The following CELSR2 variants were observed in gnomAD, a reference collection of about 807,000 sequenced individuals.
CELSR2 encodes cadherin EGF LAG seven-pass G-type receptor 2.
A neutral mutation model predicts 251.6 loss-of-function variants in CELSR2; 81 were observed. That is an observed-to-expected ratio of 0.32 (90% CI 0.27 to 0.39). CELSR2 has a LOEUF of 0.39. Among genes scored for constraint, CELSR2 ranks in the 10% least tolerant of loss-of-function variants. The pLI is 1.00. For synonymous variants in CELSR2, 1,721 were observed against 1,670.5 expected (o/e 1.03, Z -0.74); for missense variants, 3,365 against 3,947.7 (o/e 0.85, Z 3.96).
intron 2 of CELSR2, among the ~76,000 whole-genome samples, chr1:109,260,216 T>C (rs930475444): frequency 5.3e-5 from 8 of 151,310 alleles, no homozygotes; most frequent in African/African-American, 1.7e-4. Flanking sequence ...AACAACAGTT[T>C]CCATGGAAAC....
At chr1:109,262,075 C>T (rs1656035501) in intron 5 of CELSR2, among the ~76,000 whole-genome samples, 179 bp downstream of exon 5, 1 of 152,160 alleles carries the variant, frequency 6.6e-6, no homozygotes, top group Non-Finnish European at 1.5e-5. Context: ...GGGCACTGCT[C>T]GATGCTCTCT....
At position 109,269,706 on chromosome 1, in the gene CELSR2, A is replaced by T; in HGVS notation, c.6993A>T (p.Thr2331=). 4 of 1,614,108 alleles carry T rather than the reference A, an allele frequency of 2.5e-6. No homozygotes were observed. The highest frequency in any genetic ancestry group is 3.4e-6 in the Non-Finnish European group (4 of 1,180,032). The stretch of plus-strand genomic sequence containing the variant: ...CTTCCTCACACAGGGTCAGTGGCAC[A>T]GGTGGCTGGTCGGCCAGAGGCTGTG... The part of the protein sequence containing the change: ...FWNHSILVSG[T]GGWSARGCEV... Residue 2331 remains threonine (T), a synonymous_variant, in exon 22 of 34, where the codon ACA becomes ACT. Coordinates refer to ENST00000271332, the MANE Select transcript of CELSR2 (RefSeq NM_001408.3). This position sits in a 1 kb window ranked among gnomAD's most constrained non-coding sequence, Gnocchi z 6.4.
At position 109,252,448 on chromosome 1, in the gene CELSR2, A is replaced by G. The variant is rs1286057266; in HGVS notation, c.2369A>G (p.Asn790Ser). The change falls in exon 1 of 34, where the codon AAT (asparagine) becomes AGT (serine). Residue 790 changes from asparagine to serine, a missense_variant. This residue lies in a region of CELSR2 where 505 missense variants were observed against 660.0 expected (regional missense o/e 0.77). Coordinates refer to ENST00000271332, the MANE Select transcript of CELSR2 (RefSeq NM_001408.3). The surrounding 1 kb of genome is among the most constrained non-coding windows in gnomAD (Gnocchi z 4.8). ...SYTLAITARD[N>S]GIPQKSDTTY... Reference sequence around the variant, plus strand: ...ACCCTGGCCATTACTGCTCGGGACAATGGCATTCCCCAGAAGTCCGACACC... The same window carrying G: ...ACCCTGGCCATTACTGCTCGGGACAGTGGCATTCCCCAGAAGTCCGACACC... The G allele has an allele frequency of 2.5e-6, 4 of 1,613,590 alleles. No individual in the cohort carries two copies. Among genetic ancestry groups the G allele is most frequent in the Middle Eastern group, 1.6e-4 (1 of 6,084 alleles).
chr1:109,250,137 C>G lies in CELSR2; in HGVS notation c.58C>G (p.Leu20Val), dbSNP rs776508176. The change falls in exon 1 of 34, where the codon CTG (leucine) becomes GTG (valine). Residue 20 changes from leucine (L) to valine (V), a missense_variant. Coordinates refer to ENST00000271332, the MANE Select transcript of CELSR2 (RefSeq NM_001408.3). This position sits in a 1 kb window ranked among gnomAD's most constrained non-coding sequence, Gnocchi z 4.4. Reference sequence around the variant, plus strand: ...AACGCCGCCGCCGCCGCTGCTGCTGCTGTTGCTGCTGCTGCTGCCGCCGCC... The same window carrying G: ...AACGCCGCCGCCGCCGCTGCTGCTGGTGTTGCTGCTGCTGCTGCCGCCGCC... ...LPTPPPPLLL[L>V]LLLLLPPPLL... The G allele has an allele frequency of 1.3e-6, 2 of 1,595,570 alleles. No homozygotes were observed. The highest frequency in any genetic ancestry group is 2.3e-5 in the East Asian group (1 of 43,332).
chr1:109,267,710 C>A, intron 16 of CELSR2, 68 bp downstream of exon 16: 1 of 1,575,506 alleles, frequency 6.3e-7, no homozygotes, highest in Non-Finnish European at 8.7e-7. Flanking sequence ...CCCCCACTCC[C>A]ATCTTTGAGA....
In CELSR2 at chr1:109,263,160, A is replaced by C. The variant is rs1375216332; in HGVS notation, c.4727A>C (p.Asn1576Thr). ...GTVPGCPAKKNVCDSNTCHNG... is the reference protein window; with the variant it reads ...GTVPGCPAKKTVCDSNTCHNG... ...ATTCCAGGCTGCCCTGCCAAGAAGAACGTGTGTGACAGCAACACTTGCCAC... is the reference window on the plus strand; with the variant it reads ...ATTCCAGGCTGCCCTGCCAAGAAGACCGTGTGTGACAGCAACACTTGCCAC... Residue 1576 changes from asparagine to threonine, a missense_variant, in exon 8 of 34, where the codon AAC becomes ACC. By Grantham distance (65) the Asn-to-Thr change is moderately conservative. Transcript: ENST00000271332. The C allele has an allele frequency of 3.8e-6, 6 of 1,598,490 alleles. No individual in the cohort carries two copies. The highest frequency in any genetic ancestry group is 5.1e-6 in the Non-Finnish European group (6 of 1,167,270).
In CELSR2 at chr1:109,274,370, AT is replaced by A. The variant is rs925843448; in HGVS notation, c.*329del. Reference sequence around the variant, plus strand: ...CCACTCTTCATGACTTCAGGGATTCATTTTTTTTATACGCTGGAAATTGACT... The same window carrying A: ...CCACTCTTCATGACTTCAGGGATTCATTTTTTTATACGCTGGAAATTGACT... On this transcript the variant is annotated 3_prime_UTR_variant, in exon 34 of 34. Transcript: ENST00000271332. 179 of 442,272 alleles carry A rather than the reference AT, an allele frequency of 4.0e-4. No homozygotes were observed. Among genetic ancestry groups the A allele is most frequent in the African/African-American group, 6.8e-4 (34 of 50,180 alleles). The allele number at this position is 442,272 out of a possible 1,614,324, so 27.4% of individuals were successfully genotyped here.
chr1:109,268,376 G>GA (rs750000398), intron 17 of CELSR2, among the ~76,000 whole-genome samples: 2 of 152,246 alleles, frequency 1.3e-5, no homozygotes, highest in African/African-American at 2.4e-5. Flanking sequence ...CTTATGTAGA[G>GA]AATGAGGAGG....
At position 109,250,604 on chromosome 1, in the gene CELSR2, A is replaced by T; in HGVS notation, c.525A>T (p.Val175=). ...ESLGGRRKRN[V]NTAPQFQPPS... is the part of the protein sequence containing the mutation. Reference sequence around the variant, plus strand: ...TGGGTGGGCGTCGGAAAAGGAATGTAAATACAGCCCCCCAGTTCCAGCCCC... The same window carrying T: ...TGGGTGGGCGTCGGAAAAGGAATGTTAATACAGCCCCCCAGTTCCAGCCCC... Residue 175 remains valine, a synonymous_variant, in exon 1 of 34, where the codon GTA becomes GTT. Transcript: ENST00000271332. The surrounding 1 kb of genome is among the most constrained non-coding windows in gnomAD (Gnocchi z 4.4). 1 of 1,614,026 alleles carries T rather than the reference A, an allele frequency of 6.2e-7. No homozygotes were observed. The highest frequency in any genetic ancestry group is 8.5e-7 in the Non-Finnish European group (1 of 1,180,012).
intron 13 of CELSR2, 142 bp downstream of exon 13, chr1:109,265,453 G>A (rs995170658): frequency 2.5e-5 from 26 of 1,023,978 alleles, no homozygotes; most frequent in Non-Finnish European, 3.6e-5. Context: ...AGGGCAGTTG[G>A]CTGCTTACCT....
Position 109,273,301 on chromosome 1 carries a change from G to A in CELSR2, c.8474G>A (p.Gly2825Asp). The A allele has an allele frequency of 6.2e-7, 1 of 1,600,182 alleles. No homozygotes were observed. Among genetic ancestry groups the A allele is most frequent in the Non-Finnish European group, 8.5e-7 (1 of 1,173,002 alleles). The part of the protein sequence containing the change: ...GDALSREGSL[G>D]PLPGSSAQPH... ...GCCCTGTCTCGAGAGGGGTCCCTAGGCCCCCTTCCAGGCTCTTCTGCCCAG... is the reference window on the plus strand; with the variant it reads ...GCCCTGTCTCGAGAGGGGTCCCTAGACCCCCTTCCAGGCTCTTCTGCCCAG... The change falls in exon 32 of 34, where the codon GGC becomes GAC. Residue 2825 changes from glycine (G) to aspartate (D), a missense_variant. By Grantham distance (94) the Gly-to-Asp change is moderately conservative. Transcript: ENST00000271332.
chr1:109,251,851 C>G lies in CELSR2; in HGVS notation c.1772C>G (p.Thr591Ser). The G allele has an allele frequency of 6.2e-7, 1 of 1,614,170 alleles. No individual in the cohort carries two copies. The change falls in exon 1 of 34, where the codon ACT (threonine) becomes AGT (serine). Residue 591 changes from threonine to serine, a missense_variant. Transcript: ENST00000271332. This position sits in a 1 kb window ranked among gnomAD's most constrained non-coding sequence, Gnocchi z 4.9. ...CGAGACCATGGCACTCCAGCACTCA[C>G]TGCCTCGGCCAGTGTCAGCGTGACT... ...EARDHGTPAL[T>S]ASASVSVTVL...
rs1370357001 is a variant in CELSR2 at position 109,273,044 on chromosome 1, G to A, written c.8338+17G>A. The A allele has an allele frequency of 1.2e-6, 2 of 1,602,768 alleles. No homozygotes were observed. ...CTCCCAAGGGTGGGCCAGCACTGGG[G>A]CTGTGGCCTTTGGGGCCAGTGGGAG... On this transcript the variant is annotated intron_variant, in intron 31 of 33. Coordinates refer to ENST00000271332, the MANE Select transcript of CELSR2 (RefSeq NM_001408.3).
rs755220794 is a variant in CELSR2 at position 109,264,552 on chromosome 1, T to C, written c.5388T>C (p.Pro1796=). Residue 1796 remains proline, a synonymous_variant, in exon 11 of 34, where the codon CCT becomes CCC. Transcript: ENST00000271332. ...AGCAAGGCTGTAGCCTGCCTGACCCTTGTGACTCAAACCCGTGTCCTGCTA... is the reference window on the plus strand; with the variant it reads ...AGCAAGGCTGTAGCCTGCCTGACCCCTGTGACTCAAACCCGTGTCCTGCTA... ...NVEQGCSLPD[P]CDSNPCPANS... 2.5e-6 allele frequency: 4 copies of C among 1,614,176 alleles called. No individual in the cohort carries two copies. The highest frequency in any genetic ancestry group is 1.7e-5 in the Admixed American group (1 of 60,018).
rs1304664543 is a variant in CELSR2 at position 109,269,526 on chromosome 1, G to A, written c.6915G>A (p.Gln2305=). Residue 2305 remains glutamine, a synonymous_variant, in exon 21 of 34, where the codon CAG becomes CAA. Transcript: ENST00000271332. This position sits in a 1 kb window ranked among gnomAD's most constrained non-coding sequence, Gnocchi z 6.4. ...CCCTGGACAAACCCGTCACGGTGCA[G>A]TTCCGCCTGCTGGAGACAGAGGAGC... ...PRALDKPVTV[Q]FRLLETEERT... is the part of the protein sequence containing the mutation. 1 of 1,614,062 alleles carries A rather than the reference G, an allele frequency of 6.2e-7. No individual in the cohort carries two copies. The highest frequency in any genetic ancestry group is 2.2e-5 in the East Asian group (1 of 44,894).
Position 109,251,219 on chromosome 1 carries a change from TACC to T in CELSR2, c.1143_1145del (p.Thr382del). 1 of 1,613,800 alleles carries T rather than the reference TACC, an allele frequency of 6.2e-7. No homozygotes were observed. Among genetic ancestry groups the T allele is most frequent in the Non-Finnish European group, 8.5e-7 (1 of 1,179,982 alleles). Reference sequence around the variant, plus strand: ...AGGGTCGGGACCCGGGTCCTCGGAGTACCACAGCCGCTGTTTTCCTTTCTGTGG... The same window carrying T: ...AGGGTCGGGACCCGGGTCCTCGGAGTACAGCCGCTGTTTTCCTTTCTGTGG... On this transcript the variant is annotated inframe_deletion, in exon 1 of 34. Coordinates refer to ENST00000271332, the MANE Select transcript of CELSR2 (RefSeq NM_001408.3). This position sits in a 1 kb window ranked among gnomAD's most constrained non-coding sequence, Gnocchi z 4.9.
At chr1:109,262,721 C>T (rs1222217083) in intron 6 of CELSR2, 85 bp from the exon 7 acceptor site, 4 of 1,564,714 alleles carry the variant, frequency 2.6e-6, no homozygotes, top group South Asian at 1.2e-5. Flanking sequence ...CTACGCCGTT[C>T]GTGTCTCTGG....
Position 109,251,810 on chromosome 1 carries a change from C to G in CELSR2, c.1731C>G (p.Ser577Arg), listed in dbSNP as rs1381138150. 1 of 1,614,128 alleles carries G rather than the reference C, an allele frequency of 6.2e-7. No individual in the cohort carries two copies. The highest frequency in any genetic ancestry group is 1.3e-5 in the African/African-American group (1 of 75,042). The change falls in exon 1 of 34, where the codon AGC becomes AGG. Residue 577 changes from serine (S) to arginine (R), a missense_variant. Physicochemically the swap from Ser to Arg is moderately radical, Grantham distance 110. Transcript: ENST00000271332. This position sits in a 1 kb window ranked among gnomAD's most constrained non-coding sequence, Gnocchi z 4.9. Reference sequence around the variant, plus strand: ...ACCGGGAGGAAGTTGATTTCTACAGCTTTGGGGTAGAAGCTCGAGACCATG... The same window carrying G: ...ACCGGGAGGAAGTTGATTTCTACAGGTTTGGGGTAGAAGCTCGAGACCATG... ...ELDREEVDFYSFGVEARDHGT... is the reference protein window; with the variant it reads ...ELDREEVDFYRFGVEARDHGT...
At position 109,258,883 on chromosome 1, in the gene CELSR2, C is replaced by G. The variant is rs200811623; in HGVS notation, c.3762C>G (p.Pro1254=). 1 of 1,612,444 alleles carries G rather than the reference C, an allele frequency of 6.2e-7. No individual in the cohort carries two copies. The highest frequency in any genetic ancestry group is 2.2e-5 in the East Asian group (1 of 44,836). Reference sequence around the variant, plus strand: ...TGCTGCGCTTCGACTCCTCCGCGCCCTTCATCGCCTCCTCCTCCGTGCTCT... The same window carrying G: ...TGCTGCGCTTCGACTCCTCCGCGCCGTTCATCGCCTCCTCCTCCGTGCTCT... The part of the protein sequence containing the change: ...VSVLRFDSSA[P]FIASSSVLFR... The change falls in exon 2 of 34, where the codon CCC becomes CCG. Residue 1254 remains proline (P), a synonymous_variant. Coordinates refer to ENST00000271332, the MANE Select transcript of CELSR2 (RefSeq NM_001408.3).
Sources: allele counts gnomAD v4.1 joint callset (sites outside exome capture counted in the v4.1 genomes callset), GRCh38; gene constraint gnomAD v4.1.1; regional missense constraint gnomAD v4.1.1; non-coding constraint Gnocchi (gnomAD v3.1); transcripts MANE v1.5; gene names NCBI Gene and HGNC (gene_info 2026-07-23, HGNC 2026-07-21).